PTPRB: variants seen among roughly 807,000 people sequenced by gnomAD.
The protein encoded by PTPRB is receptor-type tyrosine-protein phosphatase beta.
Under a neutral mutation model 238.1 loss-of-function variants are expected in PTPRB, and 97 were observed. The observed-to-expected ratio is 0.41, with a 90% CI of 0.35 to 0.48. PTPRB has a LOEUF of 0.48. Among genes scored for constraint, PTPRB ranks in the 20% least tolerant of loss-of-function variants. The pLI is 0.30. For missense variants in PTPRB, 2,292 were observed against 2,681.9 expected, an observed-to-expected ratio of 0.85 and a Z score of 3.21; for synonymous variants, 970 against 995.4, an observed-to-expected ratio of 0.97 and a Z score of 0.48.
chr12:70,626,362 T>A (rs1477120683), intron 2 of PTPRB, among the ~76,000 whole-genome samples: 8 of 116,600 alleles, frequency 6.9e-5, no homozygotes, highest in Non-Finnish European at 1.4e-4. Context: ...TATCTATCTA[T>A]CTATATTCCT....
chr12:70,633,332 T>A (rs140857830), intron 2 of PTPRB, among the ~76,000 whole-genome samples: 1 of 152,130 alleles, frequency 6.6e-6, no homozygotes, highest in African/African-American at 2.4e-5. Context: ...CCCAGTACTT[T>A]GGGAGGCTGA....
chr12:70,619,651 G>T (rs1884840745), intron 3 of PTPRB, among the ~76,000 whole-genome samples: 1 of 152,082 alleles, frequency 6.6e-6, no homozygotes, highest in South Asian at 2.1e-4. Flanking sequence ...GGAGAACCTA[G>T]ACTCCCCAGC....
chr12:70,626,342 TCTA>T (rs1885189701), intron 2 of PTPRB, among the ~76,000 whole-genome samples: 3 of 143,320 alleles, frequency 2.1e-5, no homozygotes, highest in South Asian at 2.2e-4. Context: ...TATCTATCTA[TCTA>T]TCTATCTATC....
At chr12:70,568,225 G>A (rs1879559205) in intron 14 of PTPRB, among the ~76,000 whole-genome samples, 1 of 152,062 alleles carries the variant, frequency 6.6e-6, no homozygotes. Flanking sequence ...TACTGTAATT[G>A]CCTTTTTACT....
rs974929129 is a variant in PTPRB, at chr12:70,518,937, CAT to C, written c.*2550_*2551del. On this transcript the variant is annotated 3_prime_UTR_variant, in exon 34 of 34. Coordinates refer to ENST00000334414, the MANE Select transcript of PTPRB (RefSeq NM_001109754.4). The stretch of plus-strand genomic sequence containing the variant: ...ATGGAGTGTTTACCAAGACATAACA[CAT>C]GATGCAATTAAATGGAAATAAATCC... The C allele has an allele frequency of 3.3e-5, 5 of 151,868 alleles. No individual in the cohort carries two copies. Among genetic ancestry groups the C allele is most frequent in the Admixed American group, 2.6e-4 (4 of 15,222 alleles). The allele number at this position is 151,868 out of a possible 1,614,324, so 9.4% of individuals were successfully genotyped here.
At chr12:70,541,098 C>T in intron 22 of PTPRB, 141 bp from the exon 23 acceptor site, 1 of 700,950 alleles carries the variant, frequency 1.4e-6, no homozygotes, top group South Asian at 1.9e-5. Flanking sequence ...GAGGCATTTA[C>T]TTTCCAAAGG....
intron 23 of PTPRB, 82 bp downstream of exon 23, chr12:70,540,773 CCTT>C: frequency 1.0e-6 from 1 of 956,948 alleles, no homozygotes; most frequent in Non-Finnish European, 1.6e-6. Context: ...AATTATTTTC[CCTT>C]CTTAGTTTTC....
rs138685335 is a variant in PTPRB, at chr12:70,589,080, T to C, written c.2050+884A>G. 1.7e-3 allele frequency among the ~76,000 whole-genome samples: 253 copies of C among 152,334 alleles called. 1 individual carries two copies. The highest frequency in any genetic ancestry group is 5.6e-3 in the African/African-American group (233 of 41,576). Reference sequence around the variant, plus strand: ...GTTATTTGAGGTGAGTGATAAAATATTGGAGATGACAGAGATGCTTGTCCT... The same window carrying C: ...GTTATTTGAGGTGAGTGATAAAATACTGGAGATGACAGAGATGCTTGTCCT... On this transcript the variant is annotated intron_variant, in intron 8 of 33. Coordinates refer to ENST00000334414, the MANE Select transcript of PTPRB (RefSeq NM_001109754.4).
rs1373875030 is a variant in PTPRB at position 70,539,247 on chromosome 12, AC to A, written c.5779-234del. On this transcript the variant is annotated intron_variant, in intron 26 of 33. Transcript: ENST00000334414. ...CAGGATAACTGATGTGCCCCAGGTC[AC>A]CCAAGTGGCAAACCTGAGAATCAGT... 10 of 562,760 alleles carry A rather than the reference AC, an allele frequency of 1.8e-5. No individual in the cohort carries two copies. In the South Asian group the frequency reaches 2.5e-4, roughly 14 times the overall value. The allele number at this position is 562,760 out of a possible 1,614,324, so 34.9% of individuals were successfully genotyped here. A position where few individuals can be genotyped will look rare whatever the true frequency, so the allele number is the denominator to read the frequency against.
chr12:70,535,927 C>A lies in PTPRB; in HGVS notation c.6081+98G>T. Reference sequence around the variant, plus strand: ...TCACTAACAATGCTCTCACATGATCCCTACGTTGTTTTGCGGGGTTTCACT... The same window carrying A: ...TCACTAACAATGCTCTCACATGATCACTACGTTGTTTTGCGGGGTTTCACT... On this transcript the variant is annotated intron_variant, in intron 29 of 33. Transcript: ENST00000334414. 6 of 1,449,708 alleles carry A rather than the reference C, an allele frequency of 4.1e-6. No individual in the cohort carries two copies. In the South Asian group the frequency reaches 6.3e-5, roughly 15 times the overall value. 89.8% of individuals were successfully genotyped at this position (1,449,708 alleles called of 1,614,324 possible).
intron 9 of PTPRB, among the ~76,000 whole-genome samples, chr12:70,583,328 G>A (rs2584000): frequency 0.43 from 65,526 of 151,914 alleles, 14,977 homozygotes; most frequent in African/African-American, 0.6. Flanking sequence ...TGGATAAAAT[G>A]TGAAAATGTA....
chr12:70,538,235 G>A lies in PTPRB; in HGVS notation c.5870-4C>T. 3.7e-6 allele frequency: 6 copies of A among 1,612,708 alleles called. No homozygotes were observed. The highest frequency in any genetic ancestry group is 5.1e-6 in the Non-Finnish European group (6 of 1,179,248). On this transcript the variant is annotated splice_polypyrimidine_tract_variant and splice_region_variant and intron_variant, in intron 27 of 33. Transcript: ENST00000334414. ...AGCTTCACTCGCGTGGCATCATCTG[G>A]AAGGAGAGATTTGCTGCTGAGTCTT...
chr12:70,571,362 C>T, intron 12 of PTPRB, 73 bp from the exon 13 acceptor site: 2 of 1,395,362 alleles, frequency 1.4e-6, no homozygotes, highest in Non-Finnish European at 1.9e-6. Context: ...ATTTATGAAT[C>T]ACATTCAAGG....
intron 9 of PTPRB, among the ~76,000 whole-genome samples, chr12:70,581,835 AATG>A (rs1430525593): frequency 3.3e-5 from 5 of 151,002 alleles, no homozygotes; most frequent in Non-Finnish European, 5.9e-5. Flanking sequence ...ATTAAAAAAT[AATG>A]ATAATAACAA....
chr12:70,530,357 CTT>C (rs946012061), intron 32 of PTPRB, among the ~76,000 whole-genome samples: 13 of 152,222 alleles, frequency 8.5e-5, no homozygotes, highest in African/African-American at 2.4e-4. Context: ...CATGTACACA[CTT>C]ATATACCCGT....
Position 70,517,714 on chromosome 12 carries a change from C to T in PTPRB, c.*3775G>A, listed in dbSNP as rs970517893. The T allele has an allele frequency of 1.3e-5, 2 of 152,146 alleles. No homozygotes were observed. Among genetic ancestry groups the T allele is most frequent in the African/African-American group, 2.4e-5 (1 of 41,430 alleles). The allele number at this position is 152,146 out of a possible 1,614,324, so 9.4% of individuals were successfully genotyped here. A position where few individuals can be genotyped will look rare whatever the true frequency, so the allele number is the denominator to read the frequency against. On this transcript the variant is annotated 3_prime_UTR_variant, in exon 34 of 34. Transcript: ENST00000334414. ...TATTACCTATTGATTTTCACCAGGTCAGGTTTGGTCTGGCTCATGTTTGTA... is the reference window on the plus strand; with the variant it reads ...TATTACCTATTGATTTTCACCAGGTTAGGTTTGGTCTGGCTCATGTTTGTA...
intron 2 of PTPRB, among the ~76,000 whole-genome samples, chr12:70,632,795 A>G (rs1464556536): frequency 6.6e-6 from 1 of 152,154 alleles, no homozygotes; most frequent in African/African-American, 2.4e-5. Flanking sequence ...ACAATACCTC[A>G]TTTAGTCAGC....
intron 32 of PTPRB, among the ~76,000 whole-genome samples, chr12:70,528,289 AAAG>A (rs1264275578): frequency 6.6e-6 from 1 of 152,170 alleles, no homozygotes; most frequent in Non-Finnish European, 1.5e-5. Context: ...GCCAGGTTAT[AAAG>A]AAGCTTGTAC....
intron 32 of PTPRB, among the ~76,000 whole-genome samples, chr12:70,531,444 AC>A (rs1409950105): frequency 6.6e-6 from 1 of 152,038 alleles, no homozygotes. Context: ...AAGAGATCTG[AC>A]CCTGAGGCTA....
Sources: gnomAD v4.1 joint callset for allele counts (sites outside exome capture counted in the v4.1 genomes callset) on GRCh38, gnomAD v4.1.1 for gene constraint, MANE v1.5 for transcripts, NCBI Gene and HGNC (gene_info 2026-07-23, HGNC 2026-07-21) for gene names.